PRKCH: variants seen among roughly 807,000 people sequenced by gnomAD.
PRKCH encodes protein kinase C eta, also known as protein kinase C eta type.
Under a neutral mutation model 82.5 loss-of-function variants are expected in PRKCH, and 28 were observed. That is an observed-to-expected ratio of 0.34 (90% CI 0.25 to 0.47). The LOEUF is 0.47. Ranked by LOEUF, PRKCH falls within the 20% of genes least tolerant of loss-of-function variation. The pLI is 1.00. For missense variants in PRKCH, 705 were observed against 881.8 expected, an observed-to-expected ratio of 0.80 and a Z score of 2.54; for synonymous variants, 322 against 327.4, an observed-to-expected ratio of 0.98 and a Z score of 0.18.
chr14:61,353,484 TGTAGGTGATA>T (rs1415007708), intron 1 of PRKCH: 1 of 152,218 alleles, frequency 6.6e-6, no homozygotes, highest in Non-Finnish European at 1.5e-5. Flanking sequence ...TAAAATTTTT[TGTAGGTGATA>T]GTATTGGGAA....
intron 1 of PRKCH, among the ~76,000 whole-genome samples, chr14:61,217,004 C>T (rs1010601859): frequency 8.5e-5 from 13 of 152,116 alleles, no homozygotes; most frequent in Admixed American, 6.5e-4. Context: ...GTAGCTAGAT[C>T]GGCATATACA....
chr14:61,443,433 A>G (rs540086879), intron 3 of PRKCH, among the ~76,000 whole-genome samples, 172 bp downstream of exon 3: 2 of 152,364 alleles, frequency 1.3e-5, no homozygotes, highest in Admixed American at 1.3e-4. Context: ...TTGCAAAAAC[A>G]TCTAAATAAT....
intron 10 of PRKCH, among the ~76,000 whole-genome samples, chr14:61,526,683 C>T (rs1015913615): frequency 6.6e-6 from 1 of 152,252 alleles, no homozygotes; most frequent in Non-Finnish European, 1.5e-5. Flanking sequence ...GATTCTCACA[C>T]TGAGGCAAGA....
intron 1 of PRKCH, among the ~76,000 whole-genome samples, chr14:61,301,667 C>T (rs1308723041): frequency 2.6e-5 from 4 of 152,216 alleles, no homozygotes; most frequent in Non-Finnish European, 5.9e-5. Flanking sequence ...CATGGTGAGA[C>T]CTTCTCTCTA....
chr14:61,260,869 T>C (rs903875212), intron 1 of PRKCH, among the ~76,000 whole-genome samples: 4 of 152,216 alleles, frequency 2.6e-5, no homozygotes, highest in African/African-American at 9.6e-5. Flanking sequence ...ATTCTGGCTG[T>C]ACCCAAACAA....
intron 1 of PRKCH, among the ~76,000 whole-genome samples, chr14:61,235,960 A>C (rs1449325322): frequency 2.0e-5 from 3 of 152,234 alleles, no homozygotes; most frequent in African/African-American, 7.2e-5. Context: ...AAAGTTAAGT[A>C]GTTCAGGCCA....
intron 1 of PRKCH, among the ~76,000 whole-genome samples, chr14:61,323,617 G>A (rs963280759): frequency 2.0e-5 from 3 of 152,076 alleles, no homozygotes; most frequent in African/African-American, 4.8e-5. Flanking sequence ...TAATTTTACC[G>A]TATATTTTCT....
intron 1 of PRKCH, among the ~76,000 whole-genome samples, chr14:61,207,842 C>A (rs1016255927): frequency 3.3e-5 from 5 of 152,188 alleles, no homozygotes; most frequent in African/African-American, 2.4e-5. Flanking sequence ...TCAGTGGTGA[C>A]AGACTAAAGA....
chr14:61,299,982 C>A (rs1213794779), intron 1 of PRKCH: 1 of 152,168 alleles, frequency 6.6e-6, no homozygotes, highest in Admixed American at 6.5e-5. Flanking sequence ...ACTGTCTCAC[C>A]TTTTGGGAAG....
chr14:61,223,412 G>A (rs1249967986), intron 1 of PRKCH, among the ~76,000 whole-genome samples: 4 of 152,148 alleles, frequency 2.6e-5, no homozygotes, highest in Non-Finnish European at 5.9e-5. Flanking sequence ...TTAGCTTCTA[G>A]GTAGACTAAA....
At chr14:61,236,632 G>A (rs1046165663) in intron 1 of PRKCH, among the ~76,000 whole-genome samples, 3 of 151,170 alleles carry the variant, frequency 2.0e-5, no homozygotes. Context: ...GCTTGAACCT[G>A]GGAGGGGGAG....
intron 12 of PRKCH, among the ~76,000 whole-genome samples, chr14:61,546,956 A>G (rs1489303164): frequency 6.6e-6 from 1 of 152,202 alleles, no homozygotes; most frequent in Non-Finnish European, 1.5e-5. Context: ...TTAGCCCAGC[A>G]TATTTTGATA....
intron 1 of PRKCH, among the ~76,000 whole-genome samples, chr14:61,312,039 G>A (rs532260288): frequency 1.3e-5 from 2 of 152,272 alleles, no homozygotes; most frequent in East Asian, 3.9e-4. Context: ...TTGACATGTG[G>A]GGATTACAGG....
At chr14:61,519,061 TCA>T (rs770247192) in intron 10 of PRKCH, among the ~76,000 whole-genome samples, 11 of 152,012 alleles carry the variant, frequency 7.2e-5, no homozygotes, top group Non-Finnish European at 1.2e-4. Context: ...GGAGGGAGGA[TCA>T]CTTGAGCCTA....
intron 2 of PRKCH, among the ~76,000 whole-genome samples, chr14:61,416,060 T>C (rs935451405): frequency 1.2e-4 from 16 of 136,354 alleles, no homozygotes; most frequent in African/African-American, 4.1e-4. Flanking sequence ...TTTCTTTTTT[T>C]TTTTTTTTTT....
intron 10 of PRKCH, among the ~76,000 whole-genome samples, chr14:61,498,426 C>T (rs10459517): frequency 0.81 from 123,364 of 151,752 alleles, 50,434 homozygotes; most frequent in Middle Eastern, 0.9. Context: ...AGCCTCACGC[C>T]GTGACCACTC....
At chr14:61,496,531 T>G (rs1886675806) in intron 10 of PRKCH, among the ~76,000 whole-genome samples, 1 of 152,222 alleles carries the variant, frequency 6.6e-6, no homozygotes, top group African/African-American at 2.4e-5. Context: ...TCACCTCCTC[T>G]GATAAGCCTT....
At chr14:61,297,517 C>T (rs1164015099) in intron 1 of PRKCH, among the ~76,000 whole-genome samples, 2 of 152,278 alleles carry the variant, frequency 1.3e-5, no homozygotes, top group African/African-American at 4.8e-5. Flanking sequence ...CTTTTTGGCA[C>T]TAGGAACTGG....
chr14:61,511,196 A>G (rs547527624), intron 10 of PRKCH, among the ~76,000 whole-genome samples: 1 of 152,262 alleles, frequency 6.6e-6, no homozygotes, highest in Non-Finnish European at 1.5e-5. Flanking sequence ...TTTCCTTGGC[A>G]CTAGCAAGTG....
Sources: allele counts gnomAD v4.1 joint callset (sites outside exome capture counted in the v4.1 genomes callset), GRCh38; gene constraint gnomAD v4.1.1; transcripts MANE v1.5; gene names NCBI Gene and HGNC (gene_info 2026-07-23, HGNC 2026-07-21).